The following GPHN variants were observed in gnomAD, a reference collection of about 807,000 sequenced individuals.
The protein encoded by GPHN is gephyrin.
In GPHN, 17 loss-of-function variants were observed where a neutral mutation model predicts 95.5. The ratio of observed to expected loss-of-function variants is 0.18; its 90% CI spans 0.12 to 0.27. The LOEUF is 0.27. Among genes scored for constraint, GPHN ranks in the 10% least tolerant of loss-of-function variants. The probability of loss-of-function intolerance (pLI) is 1.00; values close to 1 mark genes in which losing one functional copy is unlikely to be tolerated. For synonymous variants in GPHN, 320 were observed against 322.5 expected (o/e 0.99, Z 0.08); for missense variants, 660 against 978.1 (o/e 0.67, Z 4.34).
chr14:66,875,116 G>C (rs1006103134), intron 4 of GPHN, among the ~76,000 whole-genome samples: 1 of 152,170 alleles, frequency 6.6e-6, no homozygotes, highest in African/African-American at 2.4e-5. Context: ...CATTCTTAAA[G>C]AAAAGAATTT....
chr14:66,810,928 G>A (rs2060735316), intron 3 of GPHN, among the ~76,000 whole-genome samples: 1 of 152,052 alleles, frequency 6.6e-6, no homozygotes, highest in South Asian at 2.1e-4. Flanking sequence ...CTACTTCCCT[G>A]CCTTACAGTC....
At chr14:66,702,667 G>T (rs899397546) in intron 2 of GPHN, among the ~76,000 whole-genome samples, 2 of 152,270 alleles carry the variant, frequency 1.3e-5, no homozygotes, top group South Asian at 4.1e-4. Flanking sequence ...CATCCTCAAA[G>T]ATTGAAATTA....
chr14:67,537,650 GTGAGACCC>G, the GPHN span, among the ~76,000 whole-genome samples: 1 of 152,162 alleles, frequency 6.6e-6, no homozygotes, highest in South Asian at 2.1e-4. Context: ...GGGCAACAGA[GTGAGACCC>G]TGTCTCAAAA....
chr14:66,547,711 T>A (rs936293893), intron 1 of GPHN, among the ~76,000 whole-genome samples: 1 of 152,210 alleles, frequency 6.6e-6, no homozygotes, highest in African/African-American at 2.4e-5. Flanking sequence ...TCGTGTTCAT[T>A]CTGGTAAGAC....
At chr14:66,816,230 G>C (rs1382021291) in intron 3 of GPHN, among the ~76,000 whole-genome samples, 1 of 152,094 alleles carries the variant, frequency 6.6e-6, no homozygotes, top group Non-Finnish European at 1.5e-5. Context: ...ACACCCCACT[G>C]ACAATATTAG....
chr14:67,057,482 T>C (rs1211639687), intron 10 of GPHN, among the ~76,000 whole-genome samples: 1 of 151,286 alleles, frequency 6.6e-6, no homozygotes, highest in African/African-American at 2.4e-5. Flanking sequence ...AAAGAATAGC[T>C]GGGCCTAATA....
chr14:67,645,850 G>T, the GPHN span: 4 of 1,599,784 alleles, frequency 2.5e-6, no homozygotes, highest in African/African-American at 2.7e-5. Flanking sequence ...GCAGGGTTTT[G>T]CTGGAGTTGG....
chr14:66,630,990 C>T (rs959676079), intron 1 of GPHN, among the ~76,000 whole-genome samples: 1 of 151,880 alleles, frequency 6.6e-6, no homozygotes, highest in Non-Finnish European at 1.5e-5. Context: ...GGATTATTGT[C>T]CCATGCCCAT....
At chr14:67,499,242 G>T in the GPHN span, among the ~76,000 whole-genome samples, 1 of 152,096 alleles carries the variant, frequency 6.6e-6, no homozygotes, top group Non-Finnish European at 1.5e-5. Context: ...GGCCTCAAGT[G>T]ATCCTCCTGC....
chr14:66,584,614 T>C (rs1412600680), intron 1 of GPHN, among the ~76,000 whole-genome samples: 1 of 152,222 alleles, frequency 6.6e-6, no homozygotes, highest in Admixed American at 6.5e-5. Context: ...TTGAATTTTG[T>C]GGAAGGCCTT....
At chr14:66,911,459 AG>A (rs2065671158) in intron 5 of GPHN, among the ~76,000 whole-genome samples, 1 of 152,032 alleles carries the variant, frequency 6.6e-6, no homozygotes. Flanking sequence ...TTTACAAAAA[AG>A]TAAGAATGTT....
chr14:66,864,209 A>G (rs541754890), intron 4 of GPHN, among the ~76,000 whole-genome samples: 1 of 152,326 alleles, frequency 6.6e-6, no homozygotes, highest in African/African-American at 2.4e-5. Context: ...CAGGACTATG[A>G]AAAGATACTC....
intron 1 of GPHN, among the ~76,000 whole-genome samples, chr14:66,630,648 T>C (rs1037963363): frequency 1.3e-5 from 2 of 152,034 alleles, no homozygotes; most frequent in African/African-American, 4.8e-5. Flanking sequence ...ATTTTTTGTA[T>C]TTTTTAGTGG....
chr14:66,608,708 T>C (rs954337664), intron 1 of GPHN, among the ~76,000 whole-genome samples: 2 of 152,200 alleles, frequency 1.3e-5, no homozygotes, highest in African/African-American at 4.8e-5. Flanking sequence ...TTAAGTCTTC[T>C]TGTTGAATGG....
At chr14:66,609,801 T>C (rs904292799) in intron 1 of GPHN, among the ~76,000 whole-genome samples, 6 of 152,138 alleles carry the variant, frequency 3.9e-5, no homozygotes, top group Non-Finnish European at 5.9e-5. Flanking sequence ...CGGTTCTTTT[T>C]AAAAATGGCT....
At chr14:66,894,994 C>A (rs990618130) in intron 5 of GPHN, among the ~76,000 whole-genome samples, 3 of 152,198 alleles carry the variant, frequency 2.0e-5, no homozygotes, top group Non-Finnish European at 2.9e-5. Context: ...TTGACCCAGC[C>A]ATCCCATTAC....
the GPHN span, chr14:67,648,035 C>T: frequency 6.3e-7 from 1 of 1,597,860 alleles, no homozygotes; most frequent in South Asian, 1.1e-5. Flanking sequence ...ATTTTATCCT[C>T]TTCCTTTTTA....
chr14:67,360,173 G>A, the GPHN span: 2 of 405,518 alleles, frequency 4.9e-6, no homozygotes, highest in South Asian at 9.8e-5. Context: ...CGCCTTGAAG[G>A]TTACTTAGCT....
the GPHN span, among the ~76,000 whole-genome samples, chr14:67,646,288 A>G: frequency 6.6e-6 from 1 of 152,210 alleles, no homozygotes; most frequent in South Asian, 2.1e-4. Flanking sequence ...GCAACTTGAG[A>G]TGGCAACCAG....
Sources: allele counts gnomAD v4.1 joint callset (sites outside exome capture counted in the v4.1 genomes callset), GRCh38; gene constraint gnomAD v4.1.1; transcripts MANE v1.5; gene names NCBI Gene and HGNC (gene_info 2026-07-23, HGNC 2026-07-21).